HOOK2: variants seen among roughly 807,000 people sequenced by gnomAD.
The protein encoded by HOOK2 is protein Hook homolog 2.
In HOOK2, 108 loss-of-function variants were observed where a neutral mutation model predicts 111.9. The observed-to-expected ratio is 0.96, with a 90% CI of 0.83 to 1.13. HOOK2 has a LOEUF of 1.13. HOOK2 is among the 50% of genes most tolerant of loss of function. The pLI is 0.00. For missense variants in HOOK2, 978 were observed against 951.3 expected, an observed-to-expected ratio of 1.03 and a Z score of -0.37; for synonymous variants, 405 against 394.3, an observed-to-expected ratio of 1.03 and a Z score of -0.32.
chr19:12,775,694 C>A, upstream of HOOK2: 1 of 376,512 alleles, frequency 2.7e-6, no homozygotes, highest in Non-Finnish European at 4.6e-6. Context: ...CGTTCGGGCG[C>A]CCGCCCTGCC....
At chr19:12,775,362 G>A (rs753644070) in intron 1 of HOOK2, 43 bp downstream of exon 1, 5 of 1,600,494 alleles carry the variant, frequency 3.1e-6, no homozygotes, top group Non-Finnish European at 4.3e-6. Context: ...CCGGGCAAGA[G>A]GAGCGGGCGC....
At position 12,765,059 on chromosome 19, in the gene HOOK2, G is replaced by T; in HGVS notation, c.1663C>A (p.Leu555Met). ...EHLQKLHEAD[L>M]ELQRKREYIE... is the part of the protein sequence containing the mutation. ...TACTCCCGCTTCCTCTGCAACTCCA[G>T]ATCTGCCTCATGAAGCTTCTGCCTG... Residue 555 changes from leucine to methionine, a missense_variant, in exon 19 of 23, where the codon CTG becomes ATG. By Grantham distance (15) the Leu-to-Met change is conservative (BLOSUM62 2). Coordinates refer to ENST00000397668, the MANE Select transcript of HOOK2 (RefSeq NM_013312.3). 1.9e-6 allele frequency: 3 copies of T among 1,614,186 alleles called. No individual in the cohort carries two copies.
At position 12,770,933 on chromosome 19, in the gene HOOK2, G is replaced by A. The variant is rs750478674; in HGVS notation, c.901C>T (p.Arg301Trp). 1.3e-6 allele frequency: 2 copies of A among 1,598,074 alleles called. No homozygotes were observed. Among genetic ancestry groups the A allele is most frequent in the Non-Finnish European group, 1.7e-6 (2 of 1,168,630 alleles). The change falls in exon 10 of 23, where the codon CGG (arginine) becomes TGG (tryptophan). Residue 301 changes from arginine (R) to tryptophan (W), a missense_variant and splice_region_variant. Arg to Trp is a moderately radical substitution (Grantham distance 101). This residue lies in a region of HOOK2 where 388 missense variants were observed against 358.3 expected (regional missense o/e 1.08). Transcript: ENST00000397668. ...GGGACCCAGGAACCCACCACTCACCGTAGTTCATCCATCTCATCCTTCAGG... is the reference window on the plus strand; with the variant it reads ...GGGACCCAGGAACCCACCACTCACCATAGTTCATCCATCTCATCCTTCAGG... The part of the protein sequence containing the change: ...QALKDEMDEL[R>W]QSSERAGQLE...
chr19:12,767,328 G>T, intron 14 of HOOK2, 67 bp downstream of exon 14: 1 of 1,335,712 alleles, frequency 7.5e-7, no homozygotes, highest in Non-Finnish European at 1.1e-6. Flanking sequence ...GGGAGGGCGG[G>T]AGCGGGGCTG....
At chr19:12,773,249 T>C in intron 3 of HOOK2, 1 of 562,758 alleles carries the variant, frequency 1.8e-6, no homozygotes, top group South Asian at 2.1e-5. Flanking sequence ...TTTTTTTTTT[T>C]TTTTTGCTTT....
At chr19:12,770,632 C>G (rs979412954) in intron 10 of HOOK2, among the ~76,000 whole-genome samples, 1 of 136,652 alleles carries the variant, frequency 7.3e-6, no homozygotes, top group Admixed American at 8.9e-5. Flanking sequence ...ATCTGCAGAG[C>G]ATTGTAGGGG....
intron 6 of HOOK2, 139 bp downstream of exon 6, chr19:12,772,474 G>T: frequency 9.6e-7 from 1 of 1,038,084 alleles, no homozygotes; most frequent in Non-Finnish European, 1.4e-6. Flanking sequence ...GCAGACACAT[G>T]AGACAGAGAT....
chr19:12,789,916 C>G (rs1968691083), intron 3 of HOOK2, among the ~76,000 whole-genome samples: 1 of 152,124 alleles, frequency 6.6e-6, no homozygotes, highest in Admixed American at 6.5e-5. Context: ...CTCGGGGCCC[C>G]AGGACAGCGC....
At position 12,774,860 on chromosome 19, in the gene HOOK2, G is replaced by A. The variant is rs756864308; in HGVS notation, c.83C>T (p.Pro28Leu). The part of the protein sequence containing the change: ...TFHVPSPCAS[P>L]QDLSSGLAVA... Reference sequence around the variant, plus strand: ...GGCAAGGCCGCTGCTCAGGTCCTGAGGGCTGGCACAGGGAGACGGAACGTG... The same window carrying A: ...GGCAAGGCCGCTGCTCAGGTCCTGAAGGCTGGCACAGGGAGACGGAACGTG... Residue 28 changes from proline (P) to leucine (L), a missense_variant, in exon 2 of 23, where the codon CCT (proline) becomes CTT (leucine). Coordinates refer to ENST00000397668, the MANE Select transcript of HOOK2 (RefSeq NM_013312.3). 6.2e-6 allele frequency: 10 copies of A among 1,614,090 alleles called. No homozygotes were observed. Among genetic ancestry groups the A allele is most frequent in the Admixed American group, 5.0e-5 (3 of 59,994 alleles).
chr19:12,779,255 G>A (rs181199964), upstream of HOOK2, among the ~76,000 whole-genome samples: 322 of 151,714 alleles, frequency 2.1e-3, 4 homozygotes, highest in Admixed American at 0.02. Flanking sequence ...GCTGGACCCC[G>A]GCCTGCCCCC....
chr19:12,770,129 G>T, intron 10 of HOOK2, 47 bp from the exon 11 acceptor site: 1 of 1,425,316 alleles, frequency 7.0e-7, no homozygotes, highest in South Asian at 1.4e-5. Context: ...TCTGATCAGG[G>T]GTCAGCTGGG....
rs557906342 is a variant in HOOK2 at position 12,786,749 on chromosome 19, C to T, written n.42-12524G>A. Among the ~76,000 whole-genome samples the T allele has an allele frequency of 6.6e-6, 1 of 152,334 alleles. No individual in the cohort carries two copies. The highest frequency in any genetic ancestry group is 1.9e-4 in the East Asian group (1 of 5,170). On this transcript the variant is annotated intron_variant and non_coding_transcript_variant, in intron 3 of 3. Transcript: ENST00000589765. The surrounding 1 kb of genome is among the most constrained non-coding windows in gnomAD (Gnocchi z 4.3). ...GGGCCCCCGCCCTCCCTGTCTGGCC[C>T]AATCTCCACCCCGTGCTCAAACACC...
upstream of HOOK2, among the ~76,000 whole-genome samples, chr19:12,780,538 A>G (rs1261906991): frequency 2.1e-5 from 3 of 144,832 alleles, no homozygotes; most frequent in Admixed American, 1.4e-4. Flanking sequence ...TTGTATTTTT[A>G]GTAGAGACGA....
rs1450069359 is a variant in HOOK2, at chr19:12,791,232, G to GC, written n.42-17008dup. On this transcript the variant is annotated intron_variant and non_coding_transcript_variant, in intron 3 of 3. Coordinates refer to the HOOK2 transcript ENST00000589765. This position sits in a 1 kb window ranked among gnomAD's most constrained non-coding sequence, Gnocchi z 7.0. ...TGAAACCCCTCACTCATGTGCCTGG[G>GC]CCCCCCAGCACCTCCTTCCATGCGT... 6.6e-6 allele frequency among the ~76,000 whole-genome samples: 1 copy of GC among 152,138 alleles called. No homozygotes were observed. The highest frequency in any genetic ancestry group is 1.9e-4 in the East Asian group (1 of 5,192).
At position 12,769,956 on chromosome 19, in the gene HOOK2, C is replaced by T. The variant is rs1354563918; in HGVS notation, c.1029G>A (p.Glu343=). The change falls in exon 11 of 23, where the codon GAG becomes GAA. Residue 343 remains glutamate (E), a synonymous_variant. Coordinates refer to ENST00000397668, the MANE Select transcript of HOOK2 (RefSeq NM_013312.3). Reference sequence around the variant, plus strand: ...GCTCATCCTCCAGTTGTCGCGTGCGCTCGGCGTGGCCGGCGTTGCGTTCCT... The same window carrying T: ...GCTCATCCTCCAGTTGTCGCGTGCGTTCGGCGTGGCCGGCGTTGCGTTCCT... ...QLEERNAGHA[E]RTRQLEDELR... 2.2e-5 allele frequency: 35 copies of T among 1,555,968 alleles called. No individual in the cohort carries two copies. Among genetic ancestry groups the T allele is most frequent in the Non-Finnish European group, 2.9e-5 (34 of 1,157,722 alleles).
Position 12,770,989 on chromosome 19 carries a change from G to A in HOOK2, c.845C>T (p.Ala282Val), listed in dbSNP as rs201028542. ...EVAELQHRNQALTSLAQEAQA... is the reference protein window; with the variant it reads ...EVAELQHRNQVLTSLAQEAQA... Reference sequence around the variant, plus strand: ...TGCCTCCTGGGCCAGGCTAGTCAGCGCCTGGTTCCGGTGCTGCAGCTCCGC... The same window carrying A: ...TGCCTCCTGGGCCAGGCTAGTCAGCACCTGGTTCCGGTGCTGCAGCTCCGC... Residue 282 changes from alanine to valine, a missense_variant, in exon 10 of 23, where the codon GCG becomes GTG. Transcript: ENST00000397668. 14 of 1,611,990 alleles carry A rather than the reference G, an allele frequency of 8.7e-6. No homozygotes were observed. Among genetic ancestry groups the A allele is most frequent in the South Asian group, 2.2e-5 (2 of 90,988 alleles).
At position 12,771,484 on chromosome 19, in the gene HOOK2, A is replaced by T. The variant is rs370107455; in HGVS notation, c.520-7T>A. ...GGAAATAGTACCTGCGGGACTGCAG[A>T]GATGAGGGGGAAGAGGAACTCAGGG... On this transcript the variant is annotated splice_region_variant and splice_polypyrimidine_tract_variant and intron_variant, in intron 7 of 22. Transcript: ENST00000397668. 2.5e-6 allele frequency: 4 copies of T among 1,608,152 alleles called. No individual in the cohort carries two copies. The highest frequency in any genetic ancestry group is 3.4e-6 in the Non-Finnish European group (4 of 1,176,986).
chr19:12,766,477 G>T, intron 14 of HOOK2: 1 of 492,986 alleles, frequency 2.0e-6, no homozygotes, highest in South Asian at 3.6e-5. Context: ...CTACAAGAGT[G>T]GATTCGAACA....
intron 7 of HOOK2, 65 bp from the exon 8 acceptor site, chr19:12,771,542 G>A: frequency 7.2e-7 from 1 of 1,388,728 alleles, no homozygotes; most frequent in Non-Finnish European, 1.0e-6. Flanking sequence ...GGGAGGCTGA[G>A]ATCTCTAGAG....
Sources: allele counts gnomAD v4.1 joint callset (sites outside exome capture counted in the v4.1 genomes callset), GRCh38; gene constraint gnomAD v4.1.1; regional missense constraint gnomAD v4.1.1; non-coding constraint Gnocchi (gnomAD v3.1); transcripts MANE v1.5; gene names NCBI Gene and HGNC (gene_info 2026-07-23, HGNC 2026-07-21).